Variants in KMT2A observed in about 807,000 individuals in gnomAD.
KMT2A encodes the protein lysine methyltransferase 2A.
Under a neutral mutation model 345.3 loss-of-function variants are expected in KMT2A, and 16 were observed. The ratio of observed to expected loss-of-function variants is 0.05; its 90% CI spans 0.03 to 0.07. The LOEUF is 0.07. KMT2A is among the 10% of genes least tolerant of loss of function. KMT2A has a pLI of 1.00. For synonymous variants in KMT2A, 1,599 were observed against 1,778.6 expected (o/e 0.90, Z 2.54); for missense variants, 3,272 against 4,841.6 (o/e 0.68, Z 9.62).
Position 118,484,087 on chromosome 11 carries a change from C to A in KMT2A, c.4087-96C>A. 1 of 1,166,486 alleles carries A rather than the reference C, an allele frequency of 8.6e-7. No individual in the cohort carries two copies. The allele number at this position is 1,166,486 out of a possible 1,614,324, so 72.3% of individuals were successfully genotyped here. On this transcript the variant is annotated intron_variant, in intron 8 of 35. Coordinates refer to ENST00000534358, the MANE Select transcript of KMT2A (RefSeq NM_001197104.2). The surrounding 1 kb of genome is among the most constrained non-coding windows in gnomAD (Gnocchi z 4.1). The stretch of plus-strand genomic sequence containing the variant: ...TATGTTGGAAACATGTTTTTTAGAT[C>A]TATTAATAAAATTTGTCATTTGCAT...
chr11:118,505,672 C>T lies in KMT2A; in HGVS notation c.9780C>T (p.Phe3260=). 6.2e-7 allele frequency: 1 copy of T among 1,614,202 alleles called. No individual in the cohort carries two copies. The highest frequency in any genetic ancestry group is 1.1e-5 in the South Asian group (1 of 91,084). The change falls in exon 27 of 36, where the codon TTC becomes TTT. Residue 3260 remains phenylalanine, a synonymous_variant. Coordinates refer to ENST00000534358, the MANE Select transcript of KMT2A (RefSeq NM_001197104.2). This position sits in a 1 kb window ranked among gnomAD's most constrained non-coding sequence, Gnocchi z 4.6. The part of the protein sequence containing the change: ...DVVSNMTLIN[F]TPSQLPNHPS... ...TTTCTAATATGACATTGATTAACTT[C>T]ACACCCTCCCAGCTTCCTAATCATC...
chr11:118,488,821 G>A (rs1198809575), intron 11 of KMT2A, 61 bp downstream of exon 11: 19 of 1,512,240 alleles, frequency 1.3e-5, no homozygotes, highest in African/African-American at 6.9e-5. Context: ...CTGTATCCCT[G>A]GACTCAACCA....
At chr11:118,517,513 A>C (rs1200134677) in intron 31 of KMT2A, among the ~76,000 whole-genome samples, 2 of 152,178 alleles carry the variant, frequency 1.3e-5, no homozygotes, top group Admixed American at 1.3e-4. Flanking sequence ...CCAAATTCTT[A>C]AGGGACCAAC....
chr11:118,519,267 T>C (rs555046348), intron 31 of KMT2A: 88 of 192,080 alleles, frequency 4.6e-4, no homozygotes, highest in Non-Finnish European at 7.7e-4. Flanking sequence ...TTTGCTCACC[T>C]GAAAATGAAG....
At position 118,498,123 on chromosome 11, in the gene KMT2A, A is replaced by G; in HGVS notation, c.5802+50A>G. ...TGAAAGAGATTCCCTCTCAGTTTCC[A>G]GATATTCTTCCTGTGGGTGAATATG... is the stretch of plus-strand genomic sequence containing the variant. On this transcript the variant is annotated intron_variant, in intron 21 of 35. Transcript: ENST00000534358. The surrounding 1 kb of genome is among the most constrained non-coding windows in gnomAD (Gnocchi z 4.4). 1 of 1,596,880 alleles carries G rather than the reference A, an allele frequency of 6.3e-7. No individual in the cohort carries two copies.
intron 1 of KMT2A, among the ~76,000 whole-genome samples, chr11:118,457,103 A>G (rs1189467682): frequency 6.6e-6 from 1 of 152,160 alleles, no homozygotes; most frequent in Admixed American, 6.5e-5. Context: ...TACTGCTGTC[A>G]TAGCTTTTGG....
At position 118,502,904 on chromosome 11, in the gene KMT2A, G is replaced by C. The variant is rs1555046303; in HGVS notation, c.7012G>C (p.Val2338Leu). The change falls in exon 27 of 36, where the codon GTT becomes CTT. Residue 2338 changes from valine to leucine, a missense_variant. By Grantham distance (32) the Val-to-Leu change is conservative. Around this residue, in one of 27 missense-constraint regions of KMT2A, gnomAD observed 445 missense variants for 500.9 expected, o/e 0.89. Transcript: ENST00000534358. The surrounding 1 kb of genome is among the most constrained non-coding windows in gnomAD (Gnocchi z 4.9). The stretch of plus-strand genomic sequence containing the variant: ...TGGAATTCCTAAACTGGCCCCACAG[G>C]TTCATAACACAACATCTAGAGAACT... Reference protein sequence around the residue: ...YPGIPKLAPQVHNTTSRELNV... With the variant: ...YPGIPKLAPQLHNTTSRELNV... 1.2e-6 allele frequency: 2 copies of C among 1,614,138 alleles called. No homozygotes were observed. The highest frequency in any genetic ancestry group is 1.7e-6 in the Non-Finnish European group (2 of 1,180,024).
intron 31 of KMT2A, among the ~76,000 whole-genome samples, chr11:118,512,813 T>C (rs1208418582): frequency 2.0e-5 from 3 of 152,070 alleles, no homozygotes; most frequent in Non-Finnish European, 2.9e-5. Context: ...GTTTTTTTTT[T>C]TTTATTTTAG....
At chr11:118,500,897 G>GATAAAGAGAGGATTT in intron 24 of KMT2A, 90 bp from the exon 25 acceptor site, 3 of 968,020 alleles carry the variant, frequency 3.1e-6, no homozygotes, top group Non-Finnish European at 4.7e-6. Flanking sequence ...AGAGGGCCAG[G>GATAAAGAGAGGATTT]GAACCTAGGA....
rs782454484 is a variant in KMT2A, at chr11:118,504,574, G to C, written c.8682G>C (p.Met2894Ile). The C allele has an allele frequency of 6.2e-7, 1 of 1,614,104 alleles. No individual in the cohort carries two copies. The highest frequency in any genetic ancestry group is 8.5e-7 in the Non-Finnish European group (1 of 1,179,990). Reference protein sequence around the residue: ...LGLDSNREKDMGLFEVFSQQL... With the variant: ...LGLDSNREKDIGLFEVFSQQL... ...TTGACAGTAATCGTGAAAAAGACAT[G>C]GGTCTTTTTGAAGTATTTTCTCAGC... is the stretch of plus-strand genomic sequence containing the variant. Residue 2894 changes from methionine (M) to isoleucine (I), a missense_variant, in exon 27 of 36, where the codon ATG becomes ATC. This residue lies in a region of KMT2A where 17 missense variants were observed against 50.6 expected (regional missense o/e 0.34). Transcript: ENST00000534358. This position sits in a 1 kb window ranked among gnomAD's most constrained non-coding sequence, Gnocchi z 6.4.
chr11:118,486,498 C>T (rs1368019638), intron 10 of KMT2A, among the ~76,000 whole-genome samples: 3 of 152,002 alleles, frequency 2.0e-5, no homozygotes, highest in Non-Finnish European at 4.4e-5. Flanking sequence ...ACATATCCTA[C>T]ATCCTTTACA....
In KMT2A at chr11:118,505,015, T is replaced by C. The variant is rs1555047514; in HGVS notation, c.9123T>C (p.Thr3041=). Residue 3041 remains threonine (T), a synonymous_variant, in exon 27 of 36, where the codon ACT becomes ACC. Transcript: ENST00000534358. This position sits in a 1 kb window ranked among gnomAD's most constrained non-coding sequence, Gnocchi z 4.6. ...TPGLQVPVSP[T]VPIQNQKYVP... ...GCCTTCAGGTACCTGTTTCCCCAAC[T>C]GTTCCCATCCAGAACCAGAAGTATG... is the stretch of plus-strand genomic sequence containing the variant. 4 of 1,614,164 alleles carry C rather than the reference T, an allele frequency of 2.5e-6. No individual in the cohort carries two copies. The highest frequency in any genetic ancestry group is 1.7e-5 in the Admixed American group (1 of 60,010).
intron 1 of KMT2A, among the ~76,000 whole-genome samples, chr11:118,466,978 G>A (rs1949855956): frequency 6.6e-6 from 1 of 152,044 alleles, no homozygotes; most frequent in Non-Finnish European, 1.5e-5. Context: ...AGTATCACTT[G>A]AGACCAGGAA....
chr11:118,449,947 T>C (rs1437997286), intron 1 of KMT2A: 3 of 151,786 alleles, frequency 2.0e-5, no homozygotes, highest in Non-Finnish European at 2.9e-5. Flanking sequence ...ACTTGTCATA[T>C]GGGGGACCAA....
chr11:118,504,479 A>C lies in KMT2A; in HGVS notation c.8587A>C (p.Met2863Leu), dbSNP rs1950550220. 1 of 1,614,102 alleles carries C rather than the reference A, an allele frequency of 6.2e-7. No individual in the cohort carries two copies. The highest frequency in any genetic ancestry group is 1.3e-5 in the African/African-American group (1 of 74,936). ...CTTTGTACTAAAGAATACTCCATCCATGCAGGCTTTGGGTGAGAGCCCAGA... is the reference window on the plus strand; with the variant it reads ...CTTTGTACTAAAGAATACTCCATCCCTGCAGGCTTTGGGTGAGAGCCCAGA... ...MDFVLKNTPS[M>L]QALGESPESS... is the part of the protein sequence containing the mutation. The change falls in exon 27 of 36, where the codon ATG (methionine) becomes CTG (leucine). Residue 2863 changes from methionine to leucine, a missense_variant. By Grantham distance (15) the Met-to-Leu change is conservative. Coordinates refer to ENST00000534358, the MANE Select transcript of KMT2A (RefSeq NM_001197104.2). The surrounding 1 kb of genome is among the most constrained non-coding windows in gnomAD (Gnocchi z 6.4).
rs879972542 is a variant in KMT2A at position 118,510,968 on chromosome 11, GAGTAGTGTCA to G, written c.11071+851_11071+860del. Among the ~76,000 whole-genome samples the G allele has an allele frequency of 1.3e-5, 2 of 152,194 alleles. No homozygotes were observed. Among genetic ancestry groups the G allele is most frequent in the Non-Finnish European group, 2.9e-5 (2 of 68,036 alleles). On this transcript the variant is annotated intron_variant, in intron 30 of 35. Coordinates refer to ENST00000534358, the MANE Select transcript of KMT2A (RefSeq NM_001197104.2). The surrounding 1 kb of genome is among the most constrained non-coding windows in gnomAD (Gnocchi z 4.1). ...GGCAGGACTGCATTTGGTGGGTTTAGAGTAGTGTCAGGTGAGATGGCATTGAAATCCATGT... is the reference window on the plus strand; with the variant it reads ...GGCAGGACTGCATTTGGTGGGTTTAGGGTGAGATGGCATTGAAATCCATGT...
At chr11:118,509,264 C>T in intron 29 of KMT2A, 64 bp downstream of exon 29, 1 of 1,236,648 alleles carries the variant, frequency 8.1e-7, no homozygotes, top group South Asian at 1.4e-5. Context: ...ATGAGAATCA[C>T]CCACTTTACC....
intron 10 of KMT2A, chr11:118,488,358 G>C (rs1477845349): frequency 8.3e-6 from 4 of 479,902 alleles, no homozygotes; most frequent in African/African-American, 2.0e-5. Context: ...AGGTCACTTA[G>C]CATGTTCTGT....
At position 118,484,790 on chromosome 11, in the gene KMT2A, T is replaced by C; in HGVS notation, c.4219-72T>C. 1.0e-6 allele frequency: 1 copy of C among 1,002,638 alleles called. No homozygotes were observed. The highest frequency in any genetic ancestry group is 1.6e-6 in the Non-Finnish European group (1 of 630,304). The allele number at this position is 1,002,638 out of a possible 1,614,324, so 62.1% of individuals were successfully genotyped here. A position where few individuals can be genotyped will look rare whatever the true frequency, so the allele number is the denominator to read the frequency against. ...TTGTGATGTCACACTAATTTTATGC[T>C]TTTCATCCTTATTTTCCATCCAAAG... On this transcript the variant is annotated intron_variant, in intron 9 of 35. Coordinates refer to ENST00000534358, the MANE Select transcript of KMT2A (RefSeq NM_001197104.2). This position sits in a 1 kb window ranked among gnomAD's most constrained non-coding sequence, Gnocchi z 4.1.
Sources: allele counts gnomAD v4.1 joint callset (sites outside exome capture counted in the v4.1 genomes callset), GRCh38; gene constraint gnomAD v4.1.1; regional missense constraint gnomAD v4.1.1; non-coding constraint Gnocchi (gnomAD v3.1); transcripts MANE v1.5; gene names NCBI Gene and HGNC (gene_info 2026-07-23, HGNC 2026-07-21).